GALNT10: variants seen among roughly 807,000 people sequenced by gnomAD.
GALNT10 encodes the protein polypeptide N-acetylgalactosaminyltransferase 10, also known as GalNAc transferase 10.
GALNT10 carries 41 observed loss-of-function variants against 75.0 expected under a neutral mutation model. The observed-to-expected ratio is 0.55, with a 90% CI of 0.43 to 0.71. The LOEUF is 0.71. Among genes scored for constraint, GALNT10 ranks in the 30% least tolerant of loss-of-function variants. GALNT10 has a pLI of 0.00. For missense variants in GALNT10, 727 were observed against 818.5 expected (o/e 0.89, Z 1.36); for synonymous variants, 302 against 313.0 (o/e 0.96, Z 0.37).
chr5:154,283,203 G>A (rs1754064343), intron 1 of GALNT10, among the ~76,000 whole-genome samples: 1 of 150,658 alleles, frequency 6.6e-6, no homozygotes, highest in Admixed American at 6.7e-5. Context: ...CAGCACTTTG[G>A]GAGTCCCAGG....
chr5:154,248,987 G>A (rs1440369927), intron 1 of GALNT10, among the ~76,000 whole-genome samples: 1 of 152,218 alleles, frequency 6.6e-6, no homozygotes, highest in Non-Finnish European at 1.5e-5. Context: ...GCTAAGAATG[G>A]TTTTGAAAGA....
intron 1 of GALNT10, among the ~76,000 whole-genome samples, chr5:154,271,415 G>A (rs951393085): frequency 3.3e-5 from 5 of 152,126 alleles, no homozygotes; most frequent in East Asian, 1.9e-4. Flanking sequence ...GCAGTGAGCC[G>A]AGATTGCATC....
intron 4 of GALNT10, among the ~76,000 whole-genome samples, chr5:154,345,180 A>G (rs1290364544): frequency 6.6e-6 from 1 of 152,148 alleles, no homozygotes; most frequent in Non-Finnish European, 1.5e-5. Context: ...ATAATTGACA[A>G]GTAAAAATTG....
At chr5:154,337,359 T>G (rs1221866486) in intron 4 of GALNT10, 1 of 527,698 alleles carries the variant, frequency 1.9e-6, no homozygotes. Flanking sequence ...GCAGCTGGGC[T>G]CTGCCACCAT....
At chr5:154,333,585 G>A (rs1356059989) in intron 4 of GALNT10, among the ~76,000 whole-genome samples, 1 of 152,052 alleles carries the variant, frequency 6.6e-6, no homozygotes, top group Non-Finnish European at 1.5e-5. Context: ...AAGTATAACA[G>A]TCTTGACAAA....
chr5:154,378,487 T>C (rs1755689962), intron 5 of GALNT10, among the ~76,000 whole-genome samples: 1 of 152,166 alleles, frequency 6.6e-6, no homozygotes, highest in African/African-American at 2.4e-5. Flanking sequence ...AGGGAGATGC[T>C]CAGCCTTCCA....
At chr5:154,271,145 G>C (rs1481508978) in intron 1 of GALNT10, among the ~76,000 whole-genome samples, 1 of 152,096 alleles carries the variant, frequency 6.6e-6, no homozygotes, top group Non-Finnish European at 1.5e-5. Flanking sequence ...TGTAAATGAG[G>C]CTGGGGCTGT....
chr5:154,350,821 G>A (rs1337012581), intron 4 of GALNT10, among the ~76,000 whole-genome samples: 1 of 152,196 alleles, frequency 6.6e-6, no homozygotes, highest in Non-Finnish European at 1.5e-5. Flanking sequence ...GTAAATCGTG[G>A]TAGAAAATTC....
At chr5:154,256,201 G>A (rs1348863209) in intron 1 of GALNT10, among the ~76,000 whole-genome samples, 3 of 152,110 alleles carry the variant, frequency 2.0e-5, no homozygotes, top group Non-Finnish European at 2.9e-5. Flanking sequence ...CACCATCCCC[G>A]GGGTCATCTC....
intron 1 of GALNT10, among the ~76,000 whole-genome samples, chr5:154,215,752 T>C (rs151249979): frequency 0.03 from 4,502 of 152,252 alleles, 90 homozygotes; most frequent in Middle Eastern, 0.13. Flanking sequence ...GCTGCAGGTA[T>C]GTTAGCCAGT....
chr5:154,380,360 A>T, intron 5 of GALNT10, 88 bp from the exon 6 acceptor site: 1 of 1,074,068 alleles, frequency 9.3e-7, no homozygotes, highest in Middle Eastern at 2.1e-4. Flanking sequence ...AGAGATGTTA[A>T]AAATACAAGT....
chr5:154,385,555 G>A (rs1387416932), intron 6 of GALNT10, among the ~76,000 whole-genome samples: 1 of 152,068 alleles, frequency 6.6e-6, no homozygotes, highest in Non-Finnish European at 1.5e-5. Flanking sequence ...CTGTAATGCT[G>A]TCTCTACCTC....
At chr5:154,248,385 G>C (rs1004579826) in intron 1 of GALNT10, among the ~76,000 whole-genome samples, 21 of 152,208 alleles carry the variant, frequency 1.4e-4, no homozygotes, top group African/African-American at 4.8e-4. Flanking sequence ...CAGAAGGAAT[G>C]GTAACAGCTC....
At chr5:154,277,715 A>G (rs1753973076) in intron 1 of GALNT10, among the ~76,000 whole-genome samples, 1 of 152,204 alleles carries the variant, frequency 6.6e-6, no homozygotes. Flanking sequence ...AAAATAGTCT[A>G]CAGTCTTCTT....
At chr5:154,306,871 T>C (rs1754443076) in intron 3 of GALNT10, among the ~76,000 whole-genome samples, 1 of 152,232 alleles carries the variant, frequency 6.6e-6, no homozygotes, top group South Asian at 2.1e-4. Flanking sequence ...CTCACAGCAC[T>C]GTCAACCAAT....
intron 7 of GALNT10, chr5:154,389,666 A>C (rs1184550065): frequency 6.6e-6 from 1 of 152,080 alleles, no homozygotes; most frequent in East Asian, 1.9e-4. Context: ...TATTATTCTA[A>C]ATTCTTCTAT....
At chr5:154,337,967 G>A (rs556867667) in intron 4 of GALNT10, 120 of 1,576,572 alleles carry the variant, frequency 7.6e-5, no homozygotes, top group African/African-American at 6.6e-4. Flanking sequence ...AGTCATGGTC[G>A]TCAAAGGTTA....
intron 1 of GALNT10, among the ~76,000 whole-genome samples, chr5:154,280,889 A>G (rs1341078152): frequency 2.6e-5 from 4 of 152,088 alleles, no homozygotes; most frequent in African/African-American, 9.7e-5. Context: ...GTTATCCTTT[A>G]CCTATTGAAT....
intron 4 of GALNT10, among the ~76,000 whole-genome samples, chr5:154,368,355 T>C (rs966386088): frequency 6.6e-6 from 1 of 152,212 alleles, no homozygotes; most frequent in South Asian, 2.1e-4. Flanking sequence ...GGCTCTCTGC[T>C]TTCAATGGTG....
Sources: gnomAD v4.1 joint callset for allele counts (sites outside exome capture counted in the v4.1 genomes callset) on GRCh38, gnomAD v4.1.1 for gene constraint, MANE v1.5 for transcripts, NCBI Gene and HGNC (gene_info 2026-07-23, HGNC 2026-07-21) for gene names.